Variants in MGA observed in about 807,000 individuals in gnomAD.
MGA encodes the protein MAX dimerization protein MGA.
In MGA, 40 loss-of-function variants were observed where a neutral mutation model predicts 261.1. The ratio of observed to expected loss-of-function variants is 0.15; its 90% CI spans 0.12 to 0.20. The LOEUF (loss-of-function observed/expected upper bound fraction) is 0.20. Ranked by LOEUF, MGA falls within the 10% of genes least tolerant of loss-of-function variation. The probability of loss-of-function intolerance (pLI) is 1.00; values close to 1 mark genes in which losing one functional copy is unlikely to be tolerated. For missense variants in MGA, 3,397 were observed against 3,630.5 expected, an observed-to-expected ratio of 0.94 and a Z score of 1.65; for synonymous variants, 1,302 against 1,290.6, an observed-to-expected ratio of 1.01 and a Z score of -0.19.
intron 9 of MGA, among the ~76,000 whole-genome samples, chr15:41,716,290 A>C (rs1186579749): frequency 2.0e-5 from 3 of 151,362 alleles, no homozygotes; most frequent in African/African-American, 7.3e-5. Context: ...TACTAAAAAT[A>C]CAAAAAAAAA....
At chr15:41,765,639 T>G (rs1338653808) in intron 23 of MGA, among the ~76,000 whole-genome samples, 1 of 152,260 alleles carries the variant, frequency 6.6e-6, no homozygotes, top group Non-Finnish European at 1.5e-5. Flanking sequence ...TCATCTTTCC[T>G]GGTTCCCATG....
chr15:41,687,245 C>T (rs1037048800), intron 2 of MGA, among the ~76,000 whole-genome samples: 9 of 151,872 alleles, frequency 5.9e-5, no homozygotes, highest in Non-Finnish European at 1.2e-4. Flanking sequence ...ATGTGCCTAC[C>T]GTTGGTTTTT....
chr15:41,647,107 C>T (rs1193185326), intron 1 of MGA, among the ~76,000 whole-genome samples: 2 of 152,062 alleles, frequency 1.3e-5, no homozygotes, highest in Admixed American at 6.6e-5. Context: ...TTCTATGGTT[C>T]TTTATCTTTT....
chr15:41,666,911 C>T (rs1460756596), intron 1 of MGA, among the ~76,000 whole-genome samples: 1 of 152,132 alleles, frequency 6.6e-6, no homozygotes, highest in Non-Finnish European at 1.5e-5. Flanking sequence ...ACTTAAAGTC[C>T]TGGGAACAAT....
intron 1 of MGA, among the ~76,000 whole-genome samples, chr15:41,668,341 A>G (rs2057872592): frequency 6.6e-6 from 1 of 152,150 alleles, no homozygotes; most frequent in African/African-American, 2.4e-5. Flanking sequence ...TGTCTTCTGA[A>G]CCATATGAAG....
chr15:41,724,411 T>C (rs2061117291), intron 9 of MGA, among the ~76,000 whole-genome samples: 1 of 152,216 alleles, frequency 6.6e-6, no homozygotes, highest in Non-Finnish European at 1.5e-5. Context: ...GCAAGGATTT[T>C]TGTCAGTTTT....
At chr15:41,626,990 G>C (rs1196867234) in intron 1 of MGA, among the ~76,000 whole-genome samples, 2 of 152,092 alleles carry the variant, frequency 1.3e-5, no homozygotes, top group African/African-American at 4.8e-5. Context: ...TCAGCCTCCT[G>C]AGTAGCTGGA....
intron 13 of MGA, among the ~76,000 whole-genome samples, chr15:41,738,735 C>T (rs931493578): frequency 6.6e-6 from 1 of 152,172 alleles, no homozygotes; most frequent in African/African-American, 2.4e-5. Flanking sequence ...TAGGCTTCAG[C>T]GCAGTCCCAA....
Position 41,693,637 on chromosome 15 carries a change from A to AT in MGA, c.1065-2436dup, listed in dbSNP as rs994290050. ...TGGCTTGGTGTTGAAAATGTATTTTATTGGACTGAGACACTAATGTAATAT... is the reference window on the plus strand; with the variant it reads ...TGGCTTGGTGTTGAAAATGTATTTTATTTGGACTGAGACACTAATGTAATAT... On this transcript the variant is annotated intron_variant, in intron 2 of 23. Coordinates refer to ENST00000219905, the MANE Select transcript of MGA (RefSeq NM_001164273.2). 8.5e-5 allele frequency among the ~76,000 whole-genome samples: 13 copies of AT among 152,264 alleles called. 1 individual carries two copies. The highest frequency in any genetic ancestry group is 8.5e-4 in the Admixed American group (13 of 15,288).
In MGA at chr15:41,727,351, A is replaced by G. The variant is rs755510315; in HGVS notation, c.3602A>G (p.Lys1201Arg). The change falls in exon 10 of 24, where the codon AAA (lysine) becomes AGA (arginine). Residue 1201 changes from lysine to arginine, a missense_variant. By Grantham distance (26) the Lys-to-Arg change is conservative. Coordinates refer to ENST00000219905, the MANE Select transcript of MGA (RefSeq NM_001164273.2). ...GTTTTATCTCCTACTGTGAAGGGCA[A>G]ACTGCTCACTGGAATTAAATCTCCA... is the stretch of plus-strand genomic sequence containing the variant. 3.8e-5 allele frequency: 62 copies of G among 1,613,886 alleles called. No homozygotes were observed. Among genetic ancestry groups the G allele is most frequent in the Non-Finnish European group, 2.5e-5 (29 of 1,179,890 alleles).
chr15:41,764,252 A>ATTT (rs71108132), intron 22 of MGA, among the ~76,000 whole-genome samples: 35 of 109,712 alleles, frequency 3.2e-4, no homozygotes, highest in South Asian at 8.8e-4. Flanking sequence ...TGGTGTGGGT[A>ATTT]TTTTTTTTTT....
intron 22 of MGA, among the ~76,000 whole-genome samples, chr15:41,763,144 G>T (rs1381035109): frequency 7.3e-6 from 1 of 137,650 alleles, no homozygotes; most frequent in Non-Finnish European, 1.5e-5. Context: ...CTGTTGCCCG[G>T]GCTGGAGTGC....
intron 2 of MGA, among the ~76,000 whole-genome samples, chr15:41,692,775 G>A (rs1181908846): frequency 1.3e-5 from 2 of 152,090 alleles, no homozygotes; most frequent in Non-Finnish European, 2.9e-5. Context: ...GCAGTGGTGC[G>A]ATCTTGGCTC....
chr15:41,662,952 G>A (rs997697336), intron 1 of MGA, among the ~76,000 whole-genome samples: 3 of 152,158 alleles, frequency 2.0e-5, no homozygotes, highest in Non-Finnish European at 4.4e-5. Context: ...TTTAAATAAT[G>A]GTATTGACTT....
chr15:41,667,539 C>T (rs1009539103), intron 1 of MGA, among the ~76,000 whole-genome samples: 1 of 152,050 alleles, frequency 6.6e-6, no homozygotes, highest in Non-Finnish European at 1.5e-5. Flanking sequence ...AGCCACTGCT[C>T]CCCCGCCGCT....
Position 41,686,527 on chromosome 15 carries a change from TA to T in MGA, c.1065-9538del, listed in dbSNP as rs572698518. Among the ~76,000 whole-genome samples, 698 of 151,266 alleles carry T rather than the reference TA, an allele frequency of 4.6e-3. 6 individuals carry two copies. The highest frequency in any genetic ancestry group is 0.016 in the African/African-American group (661 of 41,270). ...TGGGCAACAGAGTGAGATGCTGTCT[TA>T]AAAAAAAAATTTTTTTTTTGAGTGG... On this transcript the variant is annotated intron_variant, in intron 2 of 23. Coordinates refer to ENST00000219905, the MANE Select transcript of MGA (RefSeq NM_001164273.2).
At position 41,765,000 on chromosome 15, in the gene MGA, C is replaced by G. The variant is rs1235350315; in HGVS notation, c.7859C>G (p.Ser2620Cys). The G allele has an allele frequency of 3.1e-6, 5 of 1,613,952 alleles. No homozygotes were observed. In the African/African-American group the frequency reaches 5.3e-5, roughly 17 times the overall value. The change falls in exon 23 of 24, where the codon TCT becomes TGT. Residue 2620 changes from serine (S) to cysteine (C), a missense_variant. Ser to Cys is a moderately radical substitution (Grantham distance 112). Around this residue, in one of 9 missense-constraint regions of MGA, gnomAD observed 647 missense variants for 642.4 expected, o/e 1.01. Coordinates refer to ENST00000219905, the MANE Select transcript of MGA (RefSeq NM_001164273.2). ...TTCTCAGGACCAGTGGTAGCTGTTT[C>G]TCCTGATCTCTTAGAATCTGATCTT... is the stretch of plus-strand genomic sequence containing the variant.
In MGA at chr15:41,749,436, T is replaced by C; in HGVS notation, c.5829T>C (p.Ser1943=). The change falls in exon 17 of 24, where the codon AGT becomes AGC. Residue 1943 remains serine (S), a synonymous_variant. Transcript: ENST00000219905. ...GTCTTATTCCTCTCCAGTCTGGTAG[T>C]TTTGCCTTGTTACAGCTCCCAGGAC... is the stretch of plus-strand genomic sequence containing the variant. 1 of 1,613,974 alleles carries C rather than the reference T, an allele frequency of 6.2e-7. No individual in the cohort carries two copies. Among genetic ancestry groups the C allele is most frequent in the Non-Finnish European group, 8.5e-7 (1 of 1,179,886 alleles).
intron 3 of MGA, among the ~76,000 whole-genome samples, chr15:41,697,716 C>G (rs2059613815): frequency 6.6e-6 from 1 of 151,256 alleles, no homozygotes; most frequent in South Asian, 2.1e-4. Context: ...GCTCCTGGCC[C>G]TGGTTTTCAG....
Sources: gnomAD v4.1 joint callset for allele counts (sites outside exome capture counted in the v4.1 genomes callset) on GRCh38, gnomAD v4.1.1 for gene constraint, gnomAD v4.1.1 regional missense constraint, MANE v1.5 for transcripts, NCBI Gene and HGNC (gene_info 2026-07-23, HGNC 2026-07-21) for gene names.